Variants in GNAI1 observed in about 807,000 individuals in gnomAD.
GNAI1 encodes guanine nucleotide-binding protein G(i) subunit alpha-1.
In GNAI1, 11 loss-of-function variants were observed where a neutral mutation model predicts 38.9. That is an observed-to-expected ratio of 0.28 (90% CI 0.18 to 0.47). The LOEUF (loss-of-function observed/expected upper bound fraction) is 0.47. Ranked by LOEUF, GNAI1 falls within the 20% of genes least tolerant of loss-of-function variation. GNAI1 has a pLI of 0.99. For missense variants in GNAI1, 317 were observed against 436.9 expected, an observed-to-expected ratio of 0.73 and a Z score of 2.45; for synonymous variants, 166 against 145.1, an observed-to-expected ratio of 1.14 and a Z score of -1.04.
chr7:80,201,734 A>G (rs1212627546), intron 4 of GNAI1, among the ~76,000 whole-genome samples: 1 of 152,140 alleles, frequency 6.6e-6, no homozygotes, highest in Non-Finnish European at 1.5e-5. Context: ...AAAGAAAAAA[A>G]AATTAAAATT....
At chr7:80,162,483 G>A (rs1787941721) in intron 1 of GNAI1, among the ~76,000 whole-genome samples, 1 of 152,160 alleles carries the variant, frequency 6.6e-6, no homozygotes, top group Non-Finnish European at 1.5e-5. Flanking sequence ...ACAGCTGTAT[G>A]GCAAGGTTAA....
In GNAI1 at chr7:80,149,518, T is replaced by C. The variant is rs1411828125; in HGVS notation, c.118+14240T>C. ...AGCATTGAGTGTTCTTGTAATTATC[T>C]GCACTAACTTGATGGATAACAATGG... On this transcript the variant is annotated intron_variant, in intron 1 of 7. Coordinates refer to ENST00000649796, the MANE Select transcript of GNAI1 (RefSeq NM_002069.6). Among the ~76,000 whole-genome samples, 2 of 152,140 alleles carry C rather than the reference T, an allele frequency of 1.3e-5. 1 individual carries two copies. The highest frequency in any genetic ancestry group is 1.3e-4 in the Admixed American group (2 of 15,264).
At chr7:80,191,179 T>C (rs1466919006) in intron 3 of GNAI1, among the ~76,000 whole-genome samples, 3 of 152,158 alleles carry the variant, frequency 2.0e-5, no homozygotes, top group Non-Finnish European at 2.9e-5. Flanking sequence ...TTCTCGTTGG[T>C]CTACTCCGTG....
rs186938168 is a variant in GNAI1, at chr7:80,205,733, G to A, written c.590+1901G>A. Reference sequence around the variant, plus strand: ...AATTTTTTAAAAGATTACAAAAGCAGAAAGCAGAATTTACTGTTATATTAT... The same window carrying A: ...AATTTTTTAAAAGATTACAAAAGCAAAAAGCAGAATTTACTGTTATATTAT... On this transcript the variant is annotated intron_variant, in intron 5 of 7. Transcript: ENST00000649796. Among the ~76,000 whole-genome samples the A allele has an allele frequency of 1.1e-4, 16 of 152,144 alleles. No homozygotes were observed. In the East Asian group the frequency reaches 2.9e-3, roughly 28 times the overall value.
At chr7:80,188,817 A>G in intron 1 of GNAI1, 134 bp from the exon 2 acceptor site, 1 of 633,058 alleles carries the variant, frequency 1.6e-6, no homozygotes, top group Non-Finnish European at 2.8e-6. Context: ...TATAAAACAA[A>G]ATTCAGCTCT....
chr7:80,207,243 T>C (rs1293710337), intron 5 of GNAI1, among the ~76,000 whole-genome samples: 1 of 152,070 alleles, frequency 6.6e-6, no homozygotes, highest in Non-Finnish European at 1.5e-5. Flanking sequence ...AAATCGATTA[T>C]TTGGTACTTA....
At chr7:80,175,280 C>T (rs1421885461) in intron 1 of GNAI1, among the ~76,000 whole-genome samples, 1 of 151,792 alleles carries the variant, frequency 6.6e-6, no homozygotes, top group Non-Finnish European at 1.5e-5. Context: ...GGCATCTCGG[C>T]GTCTTCACAA....
At chr7:80,212,406 T>C (rs574791262) in intron 6 of GNAI1, among the ~76,000 whole-genome samples, 3 of 152,242 alleles carry the variant, frequency 2.0e-5, no homozygotes, top group African/African-American at 4.8e-5. Flanking sequence ...GACAATGTCA[T>C]TTCTTTTCAC....
chr7:80,136,198 A>G (rs1395039970), intron 1 of GNAI1: 1 of 241,016 alleles, frequency 4.1e-6, no homozygotes, highest in Admixed American at 6.5e-5. Flanking sequence ...TGAGGGAAGC[A>G]TTAGGAAAAT....
intron 1 of GNAI1, among the ~76,000 whole-genome samples, chr7:80,161,186 T>C (rs1787918721): frequency 6.6e-6 from 1 of 152,314 alleles, no homozygotes; most frequent in East Asian, 1.9e-4. Flanking sequence ...GAGAAGCTCA[T>C]TATATAGTAC....
intron 1 of GNAI1, among the ~76,000 whole-genome samples, chr7:80,152,989 A>G (rs1166703079): frequency 6.6e-6 from 1 of 152,310 alleles, no homozygotes; most frequent in Middle Eastern, 3.4e-3. Context: ...CTTTGAACAG[A>G]GAGTTAATTA....
chr7:80,140,226 CGCCT>C (rs1554345948), intron 1 of GNAI1, among the ~76,000 whole-genome samples: 1 of 151,994 alleles, frequency 6.6e-6, no homozygotes, highest in Non-Finnish European at 1.5e-5. Flanking sequence ...CCTCGTGATC[CGCCT>C]GCCGCGGCCT....
chr7:80,148,282 T>C (rs1266762737), intron 1 of GNAI1, among the ~76,000 whole-genome samples: 1 of 152,172 alleles, frequency 6.6e-6, no homozygotes, highest in African/African-American at 2.4e-5. Context: ...CTCTGGAAGG[T>C]TGTCAACTGA....
At chr7:80,183,441 T>C (rs1788332151) in intron 1 of GNAI1, among the ~76,000 whole-genome samples, 1 of 152,180 alleles carries the variant, frequency 6.6e-6, no homozygotes, top group South Asian at 2.1e-4. Flanking sequence ...TTTAAATCAG[T>C]AAATTCAACA....
chr7:80,184,301 G>A (rs1425602033), intron 1 of GNAI1, among the ~76,000 whole-genome samples: 1 of 152,172 alleles, frequency 6.6e-6, no homozygotes, highest in Admixed American at 6.5e-5. Flanking sequence ...TGACTCGAAC[G>A]GTTATTGTGC....
chr7:80,149,730 G>A (rs1308360675), intron 1 of GNAI1, among the ~76,000 whole-genome samples: 3 of 152,044 alleles, frequency 2.0e-5, no homozygotes, highest in African/African-American at 7.2e-5. Context: ...CACCTAGATA[G>A]ATTGTTTTGC....
intron 1 of GNAI1, among the ~76,000 whole-genome samples, chr7:80,184,595 A>G (rs1021850376): frequency 2.0e-5 from 3 of 152,136 alleles, no homozygotes; most frequent in African/African-American, 7.2e-5. Flanking sequence ...ATCTCTTCAG[A>G]TCTTATTGGG....
intron 1 of GNAI1, among the ~76,000 whole-genome samples, chr7:80,154,026 G>T (rs918297603): frequency 1.3e-5 from 2 of 152,070 alleles, no homozygotes; most frequent in African/African-American, 4.8e-5. Context: ...AGGCTCAAGC[G>T]ATCCTCTCAC....
At chr7:80,142,037 T>A (rs970799730) in intron 1 of GNAI1, among the ~76,000 whole-genome samples, 5 of 152,200 alleles carry the variant, frequency 3.3e-5, no homozygotes, top group Admixed American at 6.5e-5. Context: ...TGATAATGTG[T>A]CATCTACCAT....
Sources: allele counts gnomAD v4.1 joint callset (sites outside exome capture counted in the v4.1 genomes callset), GRCh38; gene constraint gnomAD v4.1.1; transcripts MANE v1.5; gene names NCBI Gene and HGNC (gene_info 2026-07-23, HGNC 2026-07-21).